The following LYPLAL1 variants were observed in gnomAD, a reference collection of about 807,000 sequenced individuals.
The protein encoded by LYPLAL1 is lysophospholipase-like protein 1.
LYPLAL1 carries 23 observed loss-of-function variants against 19.7 expected under a neutral mutation model. The observed-to-expected ratio is 1.17, with a 90% CI of 0.84 to 1.65. The LOEUF (loss-of-function observed/expected upper bound fraction) is 1.65. Ranked by LOEUF, LYPLAL1 falls within the 40% of genes most tolerant of loss-of-function variation. The probability of loss-of-function intolerance (pLI) is 0.00; values close to 1 mark genes in which losing one functional copy is unlikely to be tolerated. For missense variants in LYPLAL1, 355 were observed against 279.4 expected (o/e 1.27, Z -1.93); for synonymous variants, 119 against 96.3 (o/e 1.24, Z -1.38).
rs563709924 is a variant in LYPLAL1, at chr1:219,179,858, A to C, written c.191+612A>C. ...TTGTAAATATTAAATTAACATCTGC[A>C]TAGTCTTTTATTCGGAACACATGCC... On this transcript the variant is annotated intron_variant, in intron 2 of 4. Transcript: ENST00000366928. Among the ~76,000 whole-genome samples the C allele has an allele frequency of 5.3e-5, 8 of 152,346 alleles. No homozygotes were observed. In the South Asian group the frequency reaches 1.7e-3, roughly 32 times the overall value.
the LYPLAL1 span, among the ~76,000 whole-genome samples, chr1:219,344,973 A>G: frequency 6.6e-6 from 1 of 152,294 alleles, no homozygotes; most frequent in East Asian, 1.9e-4. Context: ...CCCCATATTT[A>G]TCCTATATGT....
At chr1:219,401,062 T>C in the LYPLAL1 span, among the ~76,000 whole-genome samples, 10 of 152,274 alleles carry the variant, frequency 6.6e-5, no homozygotes, top group South Asian at 2.1e-3. Flanking sequence ...TAAATCAATA[T>C]TACATTTTTA....
At chr1:219,284,561 C>T in the LYPLAL1 span, among the ~76,000 whole-genome samples, 1 of 152,110 alleles carries the variant, frequency 6.6e-6, no homozygotes, top group South Asian at 2.1e-4. Context: ...AATGGATTCT[C>T]ATAGTAAATT....
the LYPLAL1 span, among the ~76,000 whole-genome samples, chr1:219,415,318 G>C: frequency 6.6e-6 from 1 of 152,220 alleles, no homozygotes; most frequent in Non-Finnish European, 1.5e-5. Context: ...AGAGGAAACT[G>C]TCCAGATTGA....
At chr1:219,399,966 C>A in the LYPLAL1 span, among the ~76,000 whole-genome samples, 1 of 152,314 alleles carries the variant, frequency 6.6e-6, no homozygotes, top group African/African-American at 2.4e-5. Context: ...CTTCTCTAAG[C>A]AGCTCTCCCT....
At chr1:219,217,583 A>G (rs953037722), downstream of LYPLAL1, among the ~76,000 whole-genome samples, 6 of 152,142 alleles carry the variant, frequency 3.9e-5, no homozygotes, top group Admixed American at 6.6e-5. Flanking sequence ...GCACAGGGCA[A>G]TATATTCAGA....
the LYPLAL1 span, among the ~76,000 whole-genome samples, chr1:219,341,017 A>C: frequency 1.3e-5 from 2 of 152,002 alleles, no homozygotes; most frequent in African/African-American, 4.8e-5. Context: ...ATTTATCTTA[A>C]TGTGCAAGGC....
At chr1:219,412,051 G>A in the LYPLAL1 span, 42,807 of 152,052 alleles carry the variant, frequency 0.28, 6,655 homozygotes, top group East Asian at 0.53. Context: ...TTGTTTGTTT[G>A]TTGTTGTCGT....
chr1:219,303,120 A>G, the LYPLAL1 span, among the ~76,000 whole-genome samples: 3 of 152,188 alleles, frequency 2.0e-5, no homozygotes, highest in Non-Finnish European at 4.4e-5. Flanking sequence ...TTTATATTTT[A>G]TTATCTTCCC....
the LYPLAL1 span, among the ~76,000 whole-genome samples, chr1:219,425,432 C>G: frequency 2.0e-5 from 3 of 152,182 alleles, no homozygotes; most frequent in Admixed American, 6.5e-5. Context: ...GTGCCAGATC[C>G]TGATTCTTCA....
chr1:219,273,712 C>T, the LYPLAL1 span, among the ~76,000 whole-genome samples: 1 of 152,160 alleles, frequency 6.6e-6, no homozygotes, highest in African/African-American at 2.4e-5. Context: ...CAAAACCATA[C>T]ATTTTGTCCT....
At chr1:219,343,346 G>A in the LYPLAL1 span, among the ~76,000 whole-genome samples, 1 of 152,048 alleles carries the variant, frequency 6.6e-6, no homozygotes, top group Admixed American at 6.6e-5. Context: ...CTCAAAACTA[G>A]GAATCCAGAT....
At chr1:219,273,300 T>A in the LYPLAL1 span, 1 of 152,240 alleles carries the variant, frequency 6.6e-6, no homozygotes, top group Non-Finnish European at 1.5e-5. Context: ...ACAATCTTTC[T>A]TGTATCTATC....
At chr1:219,296,266 A>T in the LYPLAL1 span, among the ~76,000 whole-genome samples, 1 of 152,204 alleles carries the variant, frequency 6.6e-6, no homozygotes, top group Non-Finnish European at 1.5e-5. Flanking sequence ...GGCCAGGAAG[A>T]TGCCTTTGAT....
chr1:219,214,302 A>G (rs1251969409), downstream of LYPLAL1, among the ~76,000 whole-genome samples: 2 of 151,904 alleles, frequency 1.3e-5, no homozygotes, highest in Admixed American at 1.3e-4. Flanking sequence ...GTTTGTGTCT[A>G]TGTTCACGAA....
At chr1:219,246,277 A>G in the LYPLAL1 span, among the ~76,000 whole-genome samples, 3 of 152,090 alleles carry the variant, frequency 2.0e-5, no homozygotes, top group Admixed American at 2.0e-4. Context: ...CTTATTCTCT[A>G]GTGATACTGC....
chr1:219,348,978 T>C, the LYPLAL1 span, among the ~76,000 whole-genome samples: 325 of 152,364 alleles, frequency 2.1e-3, no homozygotes, highest in African/African-American at 7.4e-3. Context: ...CATTGACTGC[T>C]ACTGTAGTTC....
intron 2 of LYPLAL1, among the ~76,000 whole-genome samples, chr1:219,182,499 C>A (rs1656374346): frequency 6.6e-6 from 1 of 152,090 alleles, no homozygotes; most frequent in Non-Finnish European, 1.5e-5. Flanking sequence ...ACCTTGCTTG[C>A]TACCTTTCCG....
chr1:219,284,077 A>G, the LYPLAL1 span, among the ~76,000 whole-genome samples: 1 of 152,140 alleles, frequency 6.6e-6, no homozygotes, highest in South Asian at 2.1e-4. Flanking sequence ...AGGAGATCTG[A>G]TGATTTTGTA....
Sources: allele counts gnomAD v4.1 joint callset (sites outside exome capture counted in the v4.1 genomes callset), GRCh38; gene constraint gnomAD v4.1.1; transcripts MANE v1.5; gene names NCBI Gene and HGNC (gene_info 2026-07-23, HGNC 2026-07-21).